Variants in COP1 observed in about 807,000 individuals in gnomAD.
COP1 encodes the protein E3 ubiquitin-protein ligase COP1.
In COP1, 24 loss-of-function variants were observed where a neutral mutation model predicts 101.3. The ratio of observed to expected loss-of-function variants is 0.24; its 90% confidence interval spans 0.17 to 0.33. The LOEUF is 0.33. COP1 is among the 10% of genes least tolerant of loss of function. The probability of loss-of-function intolerance (pLI) is 1.00; values close to 1 mark genes in which losing one functional copy is unlikely to be tolerated. For synonymous variants in COP1, 347 were observed against 341.9 expected (o/e 1.01, Z -0.17); for missense variants, 663 against 906.2 (o/e 0.73, Z 3.45).
chr1:176,119,653 C>T (rs904111165), intron 8 of COP1, among the ~76,000 whole-genome samples: 2 of 151,982 alleles, frequency 1.3e-5, no homozygotes, highest in Non-Finnish European at 2.9e-5. Context: ...CACACACACA[C>T]ACACACACAC....
At chr1:176,003,485 T>A (rs1662303109) in intron 15 of COP1, among the ~76,000 whole-genome samples, 2 of 151,980 alleles carry the variant, frequency 1.3e-5, no homozygotes, top group African/African-American at 2.4e-5. Flanking sequence ...TGGTTTTAGG[T>A]CTAACATGTA....
At chr1:176,134,616 T>C (rs1038453504) in intron 8 of COP1, among the ~76,000 whole-genome samples, 2 of 152,020 alleles carry the variant, frequency 1.3e-5, no homozygotes, top group African/African-American at 4.8e-5. Flanking sequence ...ATCTGTCCAA[T>C]AAAATTTAAC....
At chr1:176,140,425 T>G (rs940366074) in intron 6 of COP1, among the ~76,000 whole-genome samples, 1 of 152,136 alleles carries the variant, frequency 6.6e-6, no homozygotes, top group Non-Finnish European at 1.5e-5. Context: ...AGAAAAAAGT[T>G]TGGAAGACTG....
At chr1:175,981,127 T>C (rs1241892973) in intron 18 of COP1, among the ~76,000 whole-genome samples, 1 of 152,182 alleles carries the variant, frequency 6.6e-6, no homozygotes, top group African/African-American at 2.4e-5. Context: ...TTTTTCTTTC[T>C]GCCCTAAGCA....
chr1:175,990,229 G>A (rs1354595538), intron 15 of COP1, among the ~76,000 whole-genome samples: 1 of 151,988 alleles, frequency 6.6e-6, no homozygotes, highest in East Asian at 1.9e-4. Flanking sequence ...AATGTGTCAT[G>A]TAATTTCCAA....
intron 8 of COP1, among the ~76,000 whole-genome samples, chr1:176,131,708 GTAT>G (rs1420733269): frequency 6.6e-6 from 1 of 151,682 alleles, no homozygotes; most frequent in African/African-American, 2.4e-5. Context: ...AATATGAATA[GTAT>G]TATAAAAGAT....
rs182285116 is a variant in COP1 at position 176,135,378 on chromosome 1, A to G, written c.892-292T>C. Among the ~76,000 whole-genome samples the G allele has an allele frequency of 2.0e-5, 3 of 152,172 alleles. No individual in the cohort carries two copies. The East Asian group carries it at 5.8e-4, about 29-fold the overall frequency. On this transcript the variant is annotated intron_variant, in intron 7 of 19. Transcript: ENST00000367669. ...TGCAAAAAAAGATAAATGTAAATGTAAATATTTTAAATGACATGTACATTA... is the reference window on the plus strand; with the variant it reads ...TGCAAAAAAAGATAAATGTAAATGTGAATATTTTAAATGACATGTACATTA...
rs969139686 is a variant in COP1, at chr1:175,961,417, C to T, written c.2134-14178G>A. Among the ~76,000 whole-genome samples, 7 of 152,086 alleles carry T rather than the reference C, an allele frequency of 4.6e-5. 1 individual carries two copies. In the East Asian group the frequency reaches 1.2e-3, roughly 25 times the overall value. On this transcript the variant is annotated intron_variant, in intron 18 of 19. Transcript: ENST00000367669. ...GCCACTTTATTCATCCATCATTATC[C>T]GTCCATTAGGGTAGATATCACATGC... is the stretch of plus-strand genomic sequence containing the variant.
chr1:175,984,749 T>A (rs1484125139), intron 18 of COP1, among the ~76,000 whole-genome samples: 1 of 152,180 alleles, frequency 6.6e-6, no homozygotes, highest in Non-Finnish European at 1.5e-5. Context: ...GGAACCCACC[T>A]CTTGCATCAG....
At chr1:176,199,682 G>A (rs577722953) in intron 1 of COP1, among the ~76,000 whole-genome samples, 30 of 152,144 alleles carry the variant, frequency 2.0e-4, no homozygotes, top group Admixed American at 1.6e-3. Flanking sequence ...AAAGACTACC[G>A]ACTAAAGGAC....
rs1337623320 is a variant in COP1, at chr1:176,206,609, T to C, written c.370A>G (p.Ile124Val). 1.2e-6 allele frequency: 2 copies of C among 1,611,650 alleles called. No individual in the cohort carries two copies. The highest frequency in any genetic ancestry group is 1.7e-6 in the Non-Finnish European group (2 of 1,179,580). Residue 124 changes from isoleucine to valine, a missense_variant, in exon 1 of 20, where the codon ATC (isoleucine) becomes GTC (valine). This residue lies in a region of COP1 where 204 missense variants were observed against 203.6 expected (regional missense o/e 1.00). Transcript: ENST00000367669. ...PLLAPLCNGL[I>V]NSYEDKSNDF... Reference sequence around the variant, plus strand: ...TTGCTTTTGTCCTCGTAGGAGTTGATGAGCCCGTTGCAGAGGGGGGCGAGG... The same window carrying C: ...TTGCTTTTGTCCTCGTAGGAGTTGACGAGCCCGTTGCAGAGGGGGGCGAGG...
rs1175182382 is a variant in COP1 at position 176,151,737 on chromosome 1, TC to T, written c.763-2664del. Among the ~76,000 whole-genome samples, 3 of 152,216 alleles carry T rather than the reference TC, an allele frequency of 2.0e-5. No individual in the cohort carries two copies. The East Asian group carries it at 5.8e-4, about 29-fold the overall frequency. On this transcript the variant is annotated intron_variant, in intron 5 of 19. Coordinates refer to ENST00000367669, the MANE Select transcript of COP1 (RefSeq NM_022457.7). ...CTTATTCCAATTCCATGCTTTAGTATCCTTCGGTTATATGGCAAGTTAGATG... is the reference window on the plus strand; with the variant it reads ...CTTATTCCAATTCCATGCTTTAGTATCTTCGGTTATATGGCAAGTTAGATG...
chr1:176,107,684 C>G (rs575685474), intron 9 of COP1, among the ~76,000 whole-genome samples: 2 of 152,068 alleles, frequency 1.3e-5, no homozygotes, highest in Non-Finnish European at 2.9e-5. Flanking sequence ...ATGATAGATG[C>G]TCAAAGGGAA....
chr1:176,082,533 G>A (rs1418590988), intron 10 of COP1, among the ~76,000 whole-genome samples: 1 of 152,148 alleles, frequency 6.6e-6, no homozygotes, highest in Non-Finnish European at 1.5e-5. Context: ...AGGGCCGGGT[G>A]CAGCAGCTCA....
At chr1:176,115,294 A>G (rs1005613754) in intron 9 of COP1, among the ~76,000 whole-genome samples, 1 of 152,058 alleles carries the variant, frequency 6.6e-6, no homozygotes, top group African/African-American at 2.4e-5. Flanking sequence ...TACTAAAAAT[A>G]CAAAAATTAC....
At chr1:176,115,820 A>T (rs1029730143) in intron 9 of COP1, among the ~76,000 whole-genome samples, 1 of 152,172 alleles carries the variant, frequency 6.6e-6, no homozygotes, top group Non-Finnish European at 1.5e-5. Context: ...AGCTTGACAG[A>T]TATCAGTATC....
At chr1:176,152,555 C>A (rs1572553636) in intron 5 of COP1, among the ~76,000 whole-genome samples, 1 of 151,932 alleles carries the variant, frequency 6.6e-6, no homozygotes, top group African/African-American at 2.4e-5. Context: ...TGAAGCAATT[C>A]TTCTGCCTCG....
intron 11 of COP1, among the ~76,000 whole-genome samples, chr1:176,058,481 CAT>C (rs1212216393): frequency 6.6e-6 from 1 of 152,124 alleles, no homozygotes; most frequent in Non-Finnish European, 1.5e-5. Context: ...CTCTCTGAAA[CAT>C]GTGCTGTGTC....
intron 14 of COP1, among the ~76,000 whole-genome samples, chr1:176,031,352 A>G (rs1668621360): frequency 6.6e-6 from 1 of 152,226 alleles, no homozygotes; most frequent in South Asian, 2.1e-4. Context: ...GAAGAAACTA[A>G]GCCAAATATA....
Sources: gnomAD v4.1 joint callset for allele counts (sites outside exome capture counted in the v4.1 genomes callset) on GRCh38, gnomAD v4.1.1 for gene constraint, gnomAD v4.1.1 regional missense constraint, MANE v1.5 for transcripts, NCBI Gene and HGNC (gene_info 2026-07-23, HGNC 2026-07-21) for gene names.